The following SV2C variants were observed in gnomAD, a reference collection of about 807,000 sequenced individuals.
The protein encoded by SV2C is synaptic vesicle glycoprotein 2C, also known as solute carrier family 22 member B3.
Under a neutral mutation model 79.7 loss-of-function variants are expected in SV2C, and 49 were observed. That is an observed-to-expected ratio of 0.61 (90% CI 0.49 to 0.78). The LOEUF is 0.78. Ranked by LOEUF, SV2C falls within the 30% of genes least tolerant of loss-of-function variation. The pLI is 0.00. For synonymous variants in SV2C, 334 were observed against 333.2 expected (o/e 1.00, Z -0.03); for missense variants, 833 against 912.9 (o/e 0.91, Z 1.13).
rs772572893 is a variant in SV2C, at chr5:76,223,432, TATAC to T, written c.913+13557_913+13560del. Reference sequence around the variant, plus strand: ...GACAGAGCAAGACCCTGTCTCTTTATATACATACATACATATATATATATATATA... The same window carrying T: ...GACAGAGCAAGACCCTGTCTCTTTATATACATACATATATATATATATATA... On this transcript the variant is annotated intron_variant, in intron 4 of 12. Transcript: ENST00000502798. 3.0e-3 allele frequency among the ~76,000 whole-genome samples: 253 copies of T among 84,120 alleles called. 9 individuals carry two copies. Among genetic ancestry groups the T allele is most frequent in the African/African-American group, 8.0e-3 (161 of 20,188 alleles). 55.2% of individuals were successfully genotyped at this position (84,120 alleles called of 152,430 possible).
chr5:76,308,628 C>T (rs1040763900), intron 12 of SV2C, among the ~76,000 whole-genome samples: 2 of 152,116 alleles, frequency 1.3e-5, no homozygotes, highest in African/African-American at 2.4e-5. Flanking sequence ...TTTTCTTTTT[C>T]TGTGCCTATT....
At chr5:76,264,332 G>A (rs183790328) in intron 4 of SV2C, among the ~76,000 whole-genome samples, 139 of 152,062 alleles carry the variant, frequency 9.1e-4, no homozygotes, top group African/African-American at 3.3e-3. Context: ...AGCAGTTCCT[G>A]TAACCTTTTT....
At position 76,288,102 on chromosome 5, in the gene SV2C, AT is replaced by A. The variant is rs1291814434; in HGVS notation, c.1137+2233del. ...CCATCTCAAAAAAAAAAAAAAAAAA[AT>A]AGACTAAAAATGTTTTGTCTACAGT... is the stretch of plus-strand genomic sequence containing the variant. On this transcript the variant is annotated intron_variant, in intron 6 of 12. Coordinates refer to ENST00000502798, the MANE Select transcript of SV2C (RefSeq NM_014979.4). Among the ~76,000 whole-genome samples, 92 of 150,878 alleles carry A rather than the reference AT, an allele frequency of 6.1e-4. No individual in the cohort carries two copies. In the South Asian group the frequency reaches 0.016, roughly 27 times the overall value.
intron 1 of SV2C, among the ~76,000 whole-genome samples, chr5:76,126,999 G>A (rs1748727117): frequency 6.6e-6 from 1 of 152,200 alleles, no homozygotes; most frequent in Non-Finnish European, 1.5e-5. Context: ...CATAATAACG[G>A]ATTAGCCATT....
At chr5:76,139,055 G>A (rs952384184) in intron 2 of SV2C, among the ~76,000 whole-genome samples, 8 of 151,954 alleles carry the variant, frequency 5.3e-5, no homozygotes, top group African/African-American at 1.9e-4. Context: ...GGAGGCAGAG[G>A]TTGCAGTGAG....
the SV2C span, among the ~76,000 whole-genome samples, chr5:76,015,586 T>C: frequency 1.4e-4 from 22 of 152,244 alleles, 2 homozygotes; most frequent in East Asian, 4.0e-3. Context: ...TATATATTTA[T>C]GAACTAATTG....
the SV2C span, among the ~76,000 whole-genome samples, chr5:75,890,442 A>C: frequency 6.6e-5 from 10 of 152,098 alleles, no homozygotes; most frequent in Admixed American, 5.2e-4. Context: ...AGAAGCCTTC[A>C]AAGGTGGTGC....
intron 2 of SV2C, among the ~76,000 whole-genome samples, chr5:76,172,648 G>A (rs1485928409): frequency 5.1e-5 from 4 of 78,046 alleles, no homozygotes; most frequent in Admixed American, 2.8e-4. Context: ...GATGGTTGCC[G>A]TGTCTGTGTA....
At chr5:75,874,858 A>G in the SV2C span, among the ~76,000 whole-genome samples, 4 of 152,206 alleles carry the variant, frequency 2.6e-5, no homozygotes, top group Non-Finnish European at 4.4e-5. Flanking sequence ...CAGGAAGGTG[A>G]AAGGTCTCTG....
At chr5:75,904,782 T>G in the SV2C span, among the ~76,000 whole-genome samples, 4 of 152,220 alleles carry the variant, frequency 2.6e-5, no homozygotes, top group Admixed American at 6.5e-5. Context: ...CTGACTTTAG[T>G]AAATCCTCAC....
At chr5:75,917,881 A>G in the SV2C span, among the ~76,000 whole-genome samples, 1 of 152,212 alleles carries the variant, frequency 6.6e-6, no homozygotes, top group Non-Finnish European at 1.5e-5. Flanking sequence ...CTCATTCTCC[A>G]TGATGTTATT....
At chr5:75,849,518 T>G in the SV2C span, among the ~76,000 whole-genome samples, 1 of 152,196 alleles carries the variant, frequency 6.6e-6, no homozygotes, top group Non-Finnish European at 1.5e-5. Flanking sequence ...GAAGTACCCG[T>G]GTGTATGTTA....
the SV2C span, among the ~76,000 whole-genome samples, chr5:75,855,399 T>G: frequency 6.6e-6 from 1 of 152,142 alleles, no homozygotes; most frequent in African/African-American, 2.4e-5. Context: ...TCTACTGACT[T>G]TTGTGATAGA....
At chr5:75,921,095 G>A in the SV2C span, 1 of 788,532 alleles carries the variant, frequency 1.3e-6, no homozygotes, top group Non-Finnish European at 2.2e-6. Context: ...AAACTCCTGG[G>A]TGAGGGCATT....
chr5:76,201,624 T>G (rs1242220850), intron 3 of SV2C, among the ~76,000 whole-genome samples: 1 of 152,244 alleles, frequency 6.6e-6, no homozygotes, highest in Non-Finnish European at 1.5e-5. Flanking sequence ...CACCATTAAC[T>G]GGAATTATTC....
At chr5:76,346,961 G>C (rs1580092575) in intron 12 of SV2C, among the ~76,000 whole-genome samples, 1 of 152,176 alleles carries the variant, frequency 6.6e-6, no homozygotes, top group African/African-American at 2.4e-5. Context: ...TCTTAAATCA[G>C]ATTTCCCCAG....
the SV2C span, among the ~76,000 whole-genome samples, chr5:75,917,400 C>A: frequency 1.3e-5 from 2 of 152,124 alleles, no homozygotes; most frequent in African/African-American, 4.8e-5. Flanking sequence ...ATGCTTGACA[C>A]TGTGCTAAGG....
chr5:76,161,888 T>G (rs1742907692), intron 2 of SV2C, among the ~76,000 whole-genome samples: 2 of 152,150 alleles, frequency 1.3e-5, no homozygotes, highest in African/African-American at 4.8e-5. Context: ...ACAGTGCCAT[T>G]TTAGTGATTA....
At chr5:75,993,848 A>G in the SV2C span, among the ~76,000 whole-genome samples, 1 of 152,014 alleles carries the variant, frequency 6.6e-6, no homozygotes, top group Admixed American at 6.6e-5. Flanking sequence ...ATGCAATGAA[A>G]TTCTCTCAGG....
Sources: allele counts gnomAD v4.1 joint callset (sites outside exome capture counted in the v4.1 genomes callset), GRCh38; gene constraint gnomAD v4.1.1; transcripts MANE v1.5; gene names NCBI Gene and HGNC (gene_info 2026-07-23, HGNC 2026-07-21).